The following SYNE1 variants were observed in gnomAD, a reference collection of about 807,000 sequenced individuals.
SYNE1 encodes spectrin repeat containing nuclear envelope protein 1.
A neutral mutation model predicts 1,111.0 loss-of-function variants in SYNE1; 616 were observed. The observed-to-expected ratio is 0.55, with a 90% CI of 0.52 to 0.59. The LOEUF is 0.59. Among genes scored for constraint, SYNE1 ranks in the 20% least tolerant of loss-of-function variants. The probability of loss-of-function intolerance (pLI) is 0.00; values close to 1 mark genes in which losing one functional copy is unlikely to be tolerated. For synonymous variants in SYNE1, 3,855 were observed against 3,825.8 expected (o/e 1.01, Z -0.28); for missense variants, 10,006 against 10,417.0 (o/e 0.96, Z 1.72).
chr6:152,310,346 T>C, intron 89 of SYNE1, 50 bp downstream of exon 89: 2 of 1,611,970 alleles, frequency 1.2e-6, no homozygotes, highest in South Asian at 2.2e-5. Flanking sequence ...CTATCCTCTT[T>C]TAAAAATATA....
chr6:152,476,568 CA>C (rs1015809308), intron 14 of SYNE1, among the ~76,000 whole-genome samples: 7 of 152,030 alleles, frequency 4.6e-5, no homozygotes, highest in Non-Finnish European at 1.0e-4. Context: ...AAAATACTGT[CA>C]TTCCTTTGGG....
intron 55 of SYNE1, among the ~76,000 whole-genome samples, chr6:152,384,123 A>G (rs1368909528): frequency 6.6e-6 from 1 of 152,236 alleles, no homozygotes; most frequent in Non-Finnish European, 1.5e-5. Flanking sequence ...TTTATCAGAC[A>G]GGTACTATTT....
intron 90 of SYNE1, among the ~76,000 whole-genome samples, chr6:152,308,940 G>C (rs925524533): frequency 4.3e-4 from 66 of 152,186 alleles, no homozygotes; most frequent in African/African-American, 1.4e-3. Flanking sequence ...GAAGCAGTGT[G>C]GGAAACATTA....
intron 39 of SYNE1, among the ~76,000 whole-genome samples, chr6:152,423,262 C>T (rs112886548): frequency 6.6e-6 from 1 of 152,202 alleles, no homozygotes; most frequent in African/African-American, 2.4e-5. Flanking sequence ...CTTTCTGTAA[C>T]CTCAATATGG....
At chr6:152,340,032 A>G (rs2096497089) in intron 74 of SYNE1, among the ~76,000 whole-genome samples, 1 of 152,242 alleles carries the variant, frequency 6.6e-6, no homozygotes, top group African/African-American at 2.4e-5. Flanking sequence ...GAGATAAATA[A>G]TATATAAATA....
At position 152,462,848 on chromosome 6, in the gene SYNE1, T is replaced by C. The variant is rs2098742298; in HGVS notation, c.2140A>G (p.Thr714Ala). 2 of 1,613,920 alleles carry C rather than the reference T, an allele frequency of 1.2e-6. No homozygotes were observed. The highest frequency in any genetic ancestry group is 1.3e-5 in the African/African-American group (1 of 74,922). The change falls in exon 20 of 146, where the codon ACA (threonine) becomes GCA (alanine). Residue 714 changes from threonine to alanine, a missense_variant. Thr to Ala is a moderately conservative substitution (Grantham distance 58, BLOSUM62 0). This residue lies in a region of SYNE1 where 1,971 missense variants were observed against 2,084.1 expected (regional missense o/e 0.95). Transcript: ENST00000367255. Reference sequence around the variant, plus strand: ...GCAGACAGGGTAACAACACAGTCTGTGTATTCCTTCTTCATTCTGTCCATC... The same window carrying C: ...GCAGACAGGGTAACAACACAGTCTGCGTATTCCTTCTTCATTCTGTCCATC... ...DEMDRMKKEY[T>A]DCVVTLSAFA...
Position 152,520,528 on chromosome 6 carries a change from T to C in SYNE1, c.240A>G (p.Gly80=). 1 of 1,613,720 alleles carries C rather than the reference T, an allele frequency of 6.2e-7. No homozygotes were observed. Among genetic ancestry groups the C allele is most frequent in the Non-Finnish European group, 8.5e-7 (1 of 1,179,712 alleles). The part of the protein sequence containing the change: ...LSGQKLPCEQ[G]RRMKRIHAVA... ...CAGCATGGATTCGCTTCATCCGGCG[T>C]CCTTGTTCACAAGGCTGTAAAAAGT... Residue 80 remains glycine (G), a synonymous_variant, in exon 6 of 146, where the codon GGA becomes GGG. Coordinates refer to ENST00000367255, the MANE Select transcript of SYNE1 (RefSeq NM_182961.4).
chr6:152,232,083 T>A (rs201570781), intron 113 of SYNE1, 33 bp downstream of exon 113: 2 of 1,461,686 alleles, frequency 1.4e-6, no homozygotes, highest in Non-Finnish European at 1.9e-6. Context: ...GGTCTGAAAA[T>A]ATGAAAAGTT....
intron 91 of SYNE1, among the ~76,000 whole-genome samples, chr6:152,302,421 A>G (rs759580489): frequency 6.2e-4 from 94 of 152,388 alleles, no homozygotes; most frequent in Non-Finnish European, 1.2e-3. Flanking sequence ...AAAGCATCTG[A>G]AATTTACCAG....
chr6:152,357,474 G>A (rs1176061398), intron 66 of SYNE1, among the ~76,000 whole-genome samples: 3 of 152,092 alleles, frequency 2.0e-5, no homozygotes, highest in Non-Finnish European at 4.4e-5. Context: ...CACATCACTG[G>A]TGGGACATAA....
At chr6:152,553,197 A>G (rs1439533271) in intron 3 of SYNE1, among the ~76,000 whole-genome samples, 3 of 152,188 alleles carry the variant, frequency 2.0e-5, no homozygotes, top group Non-Finnish European at 4.4e-5. Context: ...GAGGTGACAC[A>G]AGACACTAAA....
intron 14 of SYNE1, among the ~76,000 whole-genome samples, chr6:152,475,409 T>A (rs1325566896): frequency 2.6e-5 from 4 of 152,192 alleles, no homozygotes; most frequent in Non-Finnish European, 5.9e-5. Context: ...TTTGGCAAAA[T>A]TATCTAACAT....
intron 3 of SYNE1, among the ~76,000 whole-genome samples, chr6:152,581,482 T>C (rs1054795045): frequency 2.0e-5 from 3 of 152,072 alleles, no homozygotes; most frequent in East Asian, 1.9e-4. Context: ...GACTTCAGAG[T>C]AGGAAAATAA....
chr6:152,294,144 C>G lies in SYNE1; in HGVS notation c.17683-17G>C. ...TGCAATGTCCTGTGAGTGCAAAGCA[C>G]AGTATTGAATTAAACAAAAAGACAA... On this transcript the variant is annotated splice_polypyrimidine_tract_variant and intron_variant, in intron 93 of 145. Coordinates refer to ENST00000367255, the MANE Select transcript of SYNE1 (RefSeq NM_182961.4). 1 of 1,612,614 alleles carries G rather than the reference C, an allele frequency of 6.2e-7. No individual in the cohort carries two copies. Among genetic ancestry groups the G allele is most frequent in the Non-Finnish European group, 8.5e-7 (1 of 1,179,872 alleles).
chr6:152,459,326 C>A (rs2098717292), intron 21 of SYNE1, among the ~76,000 whole-genome samples: 1 of 152,146 alleles, frequency 6.6e-6, no homozygotes, highest in Non-Finnish European at 1.5e-5. Context: ...ATTACCTAGA[C>A]CAACCTGTGT....
intron 6 of SYNE1, among the ~76,000 whole-genome samples, chr6:152,511,781 A>T (rs1217362411): frequency 6.6e-6 from 1 of 152,174 alleles, no homozygotes; most frequent in Non-Finnish European, 1.5e-5. Context: ...TCAGTTCCCT[A>T]CTTTTGGGTG....
Position 152,359,395 on chromosome 6 carries a change from C to T in SYNE1, c.10363G>A (p.Gly3455Ser). ...TGGGTGACATAGTGTTCTGTCATGC[C>T]AGCCCCTTTGACTTCGATGGTCTCC... The part of the protein sequence containing the change: ...LLETIEVKGA[G>S]MTEHYVTQLE... The change falls in exon 65 of 146, where the codon GGC becomes AGC. Residue 3455 changes from glycine to serine, a missense_variant. Around this residue, in one of 7 missense-constraint regions of SYNE1, gnomAD observed 4,955 missense variants for 5,017.2 expected, o/e 0.99. Coordinates refer to ENST00000367255, the MANE Select transcript of SYNE1 (RefSeq NM_182961.4). 1.2e-6 allele frequency: 2 copies of T among 1,614,168 alleles called. No homozygotes were observed. Among genetic ancestry groups the T allele is most frequent in the Non-Finnish European group, 1.7e-6 (2 of 1,180,030 alleles).
At chr6:152,579,668 T>A (rs2099512912) in intron 3 of SYNE1, among the ~76,000 whole-genome samples, 1 of 152,178 alleles carries the variant, frequency 6.6e-6, no homozygotes, top group Non-Finnish European at 1.5e-5. Context: ...CTCACCCTCT[T>A]CCTATCCTCT....
Position 152,308,647 on chromosome 6 carries a change from A to C in SYNE1, c.17203-15T>G, listed in dbSNP as rs566089274. The C allele has an allele frequency of 1.3e-5, 21 of 1,588,586 alleles. No individual in the cohort carries two copies. The African/African-American group carries it at 2.5e-4, about 19-fold the overall frequency. ...ACCACAGCTTCCTTTGAAAAAAAAAAAAAACAGAAAGATAGACAGTTTTTT... is the reference window on the plus strand; with the variant it reads ...ACCACAGCTTCCTTTGAAAAAAAAACAAAACAGAAAGATAGACAGTTTTTT... On this transcript the variant is annotated splice_polypyrimidine_tract_variant and intron_variant, in intron 90 of 145. Transcript: ENST00000367255.
Sources: gnomAD v4.1 joint callset for allele counts (sites outside exome capture counted in the v4.1 genomes callset) on GRCh38, gnomAD v4.1.1 for gene constraint, gnomAD v4.1.1 regional missense constraint, MANE v1.5 for transcripts, NCBI Gene and HGNC (gene_info 2026-07-23, HGNC 2026-07-21) for gene names.